WDR33: variants seen among roughly 807,000 people sequenced by gnomAD.
WDR33 encodes the protein WD repeat domain 33, also known as pre-mRNA 3' end processing protein WDR33.
Under a neutral mutation model 164.9 loss-of-function variants are expected in WDR33, and 47 were observed. That is an observed-to-expected ratio of 0.29 (90% CI 0.23 to 0.36). The LOEUF (loss-of-function observed/expected upper bound fraction) is 0.36. Ranked by LOEUF, WDR33 falls within the 10% of genes least tolerant of loss-of-function variation. The probability of loss-of-function intolerance (pLI) is 1.00; values close to 1 mark genes in which losing one functional copy is unlikely to be tolerated. For missense variants in WDR33, 1,137 were observed against 1,754.1 expected, an observed-to-expected ratio of 0.65 and a Z score of 6.28; for synonymous variants, 505 against 589.0, an observed-to-expected ratio of 0.86 and a Z score of 2.06.
intron 1 of WDR33, among the ~76,000 whole-genome samples, chr2:127,796,298 T>TCC: frequency 6.6e-6 from 1 of 151,886 alleles, no homozygotes; most frequent in Admixed American, 6.6e-5. Flanking sequence ...GGTCTCAAAC[T>TCC]CCTGGCCTCA....
At chr2:127,786,202 C>T (rs10190818) in intron 1 of WDR33, among the ~76,000 whole-genome samples, 3,230 of 152,180 alleles carry the variant, frequency 0.021, 124 homozygotes, top group African/African-American at 0.075. Flanking sequence ...AGTGGTTAAA[C>T]TGTTCTTTTT....
chr2:127,804,063 C>T (rs770488993), intron 1 of WDR33, among the ~76,000 whole-genome samples: 6 of 151,930 alleles, frequency 3.9e-5, no homozygotes, highest in East Asian at 1.9e-4. Context: ...GGCTCACACC[C>T]GTAATCCCAG....
chr2:127,718,424 G>C lies in WDR33; in HGVS notation c.2760+841C>G, dbSNP rs1227192711. ...AATAATGCCTCCAGACTAAGAACTT[G>C]AGAAAAGCATAAAATGCACATAGCT... On this transcript the variant is annotated intron_variant, in intron 16 of 21. Transcript: ENST00000322313. This position sits in a 1 kb window ranked among gnomAD's most constrained non-coding sequence, Gnocchi z 4.4. 6.6e-6 allele frequency among the ~76,000 whole-genome samples: 1 copy of C among 152,060 alleles called. No homozygotes were observed. The highest frequency in any genetic ancestry group is 1.5e-5 in the Non-Finnish European group (1 of 68,012).
intron 7 of WDR33, among the ~76,000 whole-genome samples, chr2:127,751,477 G>C (rs1687360995): frequency 6.7e-6 from 1 of 149,058 alleles, no homozygotes; most frequent in East Asian, 1.9e-4. Flanking sequence ...CTTAGGGCCA[G>C]GAGTTTGAGG....
chr2:127,736,966 T>C, intron 7 of WDR33: 2 of 984,988 alleles, frequency 2.0e-6, no homozygotes, highest in Non-Finnish European at 1.2e-6. Flanking sequence ...TTGATAACAA[T>C]TTGAAAAGGT....
intron 7 of WDR33, among the ~76,000 whole-genome samples, chr2:127,750,610 A>G (rs1573913875): frequency 7.4e-6 from 1 of 135,256 alleles, no homozygotes; most frequent in Non-Finnish European, 1.6e-5. Flanking sequence ...GATTGTAATC[A>G]TTGCACTCCA....
rs1181177942 is a variant in WDR33, at chr2:127,717,722, C to CT, written c.2761-460dup. Reference sequence around the variant, plus strand: ...CTTCAGACTCATTCTACCAGTATTTCTATAGGTCAATTAAAATTTCAGAAT... The same window carrying CT: ...CTTCAGACTCATTCTACCAGTATTTCTTATAGGTCAATTAAAATTTCAGAAT... On this transcript the variant is annotated intron_variant, in intron 16 of 21. Coordinates refer to ENST00000322313, the MANE Select transcript of WDR33 (RefSeq NM_018383.5). The surrounding 1 kb of genome is among the most constrained non-coding windows in gnomAD (Gnocchi z 5.6). Among the ~76,000 whole-genome samples the CT allele has an allele frequency of 6.6e-6, 1 of 152,184 alleles. No individual in the cohort carries two copies. The highest frequency in any genetic ancestry group is 1.5e-5 in the Non-Finnish European group (1 of 68,030).
At chr2:127,747,963 G>C (rs1403326609) in intron 7 of WDR33, among the ~76,000 whole-genome samples, 1 of 152,164 alleles carries the variant, frequency 6.6e-6, no homozygotes, top group African/African-American at 2.4e-5. Flanking sequence ...AATATCAAAA[G>C]TAGTCACTCC....
chr2:127,745,268 G>A (rs1215508162), intron 7 of WDR33, among the ~76,000 whole-genome samples: 1 of 152,060 alleles, frequency 6.6e-6, no homozygotes, highest in African/African-American at 2.4e-5. Context: ...CTGTGCTATC[G>A]ATCCTTCCCA....
In WDR33 at chr2:127,718,819, G is replaced by A. The variant is rs1201523405; in HGVS notation, c.2760+446C>T. Among the ~76,000 whole-genome samples, 1 of 152,142 alleles carries A rather than the reference G, an allele frequency of 6.6e-6. No homozygotes were observed. The highest frequency in any genetic ancestry group is 2.4e-5 in the African/African-American group (1 of 41,442). ...ATCCTATCTTTTAAAAGTAGAGTTG[G>A]CAGACAGGAAGTGATTCTGTGGCTG... is the stretch of plus-strand genomic sequence containing the variant. On this transcript the variant is annotated intron_variant, in intron 16 of 21. Transcript: ENST00000322313. This position sits in a 1 kb window ranked among gnomAD's most constrained non-coding sequence, Gnocchi z 4.4.
In WDR33 at chr2:127,719,096, T is replaced by G. The variant is rs917927288; in HGVS notation, c.2760+169A>C. On this transcript the variant is annotated intron_variant, in intron 16 of 21. Coordinates refer to ENST00000322313, the MANE Select transcript of WDR33 (RefSeq NM_018383.5). This position sits in a 1 kb window ranked among gnomAD's most constrained non-coding sequence, Gnocchi z 6.5. ...CTTAATGGGAGTATAACCTAACTCATCATTCTTATGATTTCATTCTTCAGC... is the reference window on the plus strand; with the variant it reads ...CTTAATGGGAGTATAACCTAACTCAGCATTCTTATGATTTCATTCTTCAGC... 2.0e-5 allele frequency among the ~76,000 whole-genome samples: 3 copies of G among 152,246 alleles called. No individual in the cohort carries two copies. The highest frequency in any genetic ancestry group is 7.2e-5 in the African/African-American group (3 of 41,462).
At chr2:127,795,210 C>G (rs904520062) in intron 1 of WDR33, among the ~76,000 whole-genome samples, 3 of 150,120 alleles carry the variant, frequency 2.0e-5, no homozygotes, top group Non-Finnish European at 4.4e-5. Flanking sequence ...AAGCAATTCT[C>G]CTGCCTCAGC....
chr2:127,753,361 C>T (rs1371305877), intron 7 of WDR33, among the ~76,000 whole-genome samples: 1 of 152,012 alleles, frequency 6.6e-6, no homozygotes, highest in Non-Finnish European at 1.5e-5. Flanking sequence ...AATATAAAAG[C>T]CTATATATAC....
chr2:127,810,061 C>CATATAT (rs1558969623), intron 1 of WDR33, among the ~76,000 whole-genome samples: 3 of 151,198 alleles, frequency 2.0e-5, no homozygotes, highest in African/African-American at 4.9e-5. Context: ...CATACACACA[C>CATATAT]ACATATATAC....
intron 1 of WDR33, among the ~76,000 whole-genome samples, chr2:127,786,346 T>C (rs538511082): frequency 1.3e-5 from 2 of 152,328 alleles, no homozygotes; most frequent in East Asian, 3.9e-4. Flanking sequence ...ATACTGTTTT[T>C]CTCTTATTTC....
intron 1 of WDR33, among the ~76,000 whole-genome samples, chr2:127,807,407 A>G (rs991453589): frequency 6.6e-6 from 1 of 152,250 alleles, no homozygotes; most frequent in African/African-American, 2.4e-5. Context: ...CAGAGTAGAG[A>G]GCAGGTGCCT....
At chr2:127,744,064 T>C (rs1687102292) in intron 7 of WDR33, among the ~76,000 whole-genome samples, 1 of 152,190 alleles carries the variant, frequency 6.6e-6, no homozygotes, top group African/African-American at 2.4e-5. Flanking sequence ...TTTTTAAAAA[T>C]AAGGTTAAAT....
At chr2:127,787,719 C>T (rs1573461295) in intron 1 of WDR33, among the ~76,000 whole-genome samples, 2 of 92,690 alleles carry the variant, frequency 2.2e-5, no homozygotes, top group Admixed American at 8.9e-5. Context: ...GGGGCTGACA[C>T]CCCCACCTCC....
rs1234450096 is a variant in WDR33 at position 127,701,729 on chromosome 2, C to G, written c.*4594G>C. 1 of 1,387,160 alleles carries G rather than the reference C, an allele frequency of 7.2e-7. No homozygotes were observed. The highest frequency in any genetic ancestry group is 1.5e-5 in the African/African-American group (1 of 66,022). 85.9% of individuals were successfully genotyped at this position (1,387,160 alleles called of 1,614,324 possible). A position where few individuals can be genotyped will look rare whatever the true frequency, so the allele number is the denominator to read the frequency against. ...AGTCGGCAGCGGCCGGCCTGACGTG[C>G]CTCCCGAGCGTGACGCGCGGGCAGC... On this transcript the variant is annotated 3_prime_UTR_variant, in exon 22 of 22. Coordinates refer to ENST00000322313, the MANE Select transcript of WDR33 (RefSeq NM_018383.5).
Sources: gnomAD v4.1 joint callset for allele counts (sites outside exome capture counted in the v4.1 genomes callset) on GRCh38, gnomAD v4.1.1 for gene constraint, Gnocchi (gnomAD v3.1) non-coding constraint, MANE v1.5 for transcripts, NCBI Gene and HGNC (gene_info 2026-07-23, HGNC 2026-07-21) for gene names.